UQCR11: variants seen among roughly 807,000 people sequenced by gnomAD.
UQCR11 encodes cytochrome b-c1 complex subunit 10.
UQCR11 carries 10 observed loss-of-function variants against 7.6 expected under a neutral mutation model. The ratio of observed to expected loss-of-function variants is 1.31; its 90% CI spans 0.81 to 2.22. The LOEUF (loss-of-function observed/expected upper bound fraction) is 2.22, where lower values mean the gene tolerates loss of function less well. Ranked by LOEUF, UQCR11 falls within the 30% of genes most tolerant of loss-of-function variation. The probability of loss-of-function intolerance (pLI) is 0.00; values close to 1 mark genes in which losing one functional copy is unlikely to be tolerated. For missense variants in UQCR11, 86 were observed against 75.1 expected (o/e 1.15, Z -0.54); for synonymous variants, 34 against 34.9 (o/e 0.97, Z 0.09).
At chr19:1,605,209 G>C (rs911544297) in intron 1 of UQCR11, 151 bp downstream of exon 1, 2 of 967,164 alleles carry the variant, frequency 2.1e-6, no homozygotes, top group African/African-American at 3.5e-5. Context: ...TCCGCCTCTC[G>C]GCCTCAGTTT....
chr19:1,604,669 A>G (rs953103358), intron 1 of UQCR11, among the ~76,000 whole-genome samples: 1 of 152,126 alleles, frequency 6.6e-6, no homozygotes, highest in African/African-American at 2.4e-5. Flanking sequence ...CTGGGATTAG[A>G]GGCACCCGCC....
chr19:1,601,718 T>C (rs2145621175), intron 1 of UQCR11, among the ~76,000 whole-genome samples: 1 of 151,978 alleles, frequency 6.6e-6, no homozygotes, highest in South Asian at 2.1e-4. Flanking sequence ...CAAGAGAGCC[T>C]GAGGAGTTGA....
In UQCR11 at chr19:1,598,058, G is replaced by A. The variant is rs2060736624; in HGVS notation, c.*186C>T. 6.6e-6 allele frequency: 1 copy of A among 152,272 alleles called. No homozygotes were observed. Among genetic ancestry groups the A allele is most frequent in the Non-Finnish European group, 1.5e-5 (1 of 68,064 alleles). The allele number at this position is 152,272 out of a possible 1,614,324, so 9.4% of individuals were successfully genotyped here. On this transcript the variant is annotated 3_prime_UTR_variant, in exon 3 of 3. Coordinates refer to ENST00000591899, the MANE Select transcript of UQCR11 (RefSeq NM_006830.4). Reference sequence around the variant, plus strand: ...ACATCCGGGCACGGAGCAGGTTTCAGTGAGGTTTAATGCAACGTGCATTAA... The same window carrying A: ...ACATCCGGGCACGGAGCAGGTTTCAATGAGGTTTAATGCAACGTGCATTAA...
rs780373094 is a variant in UQCR11, at chr19:1,599,523, C to G, written c.88G>C (p.Val30Leu). ...TAYTWGAVGA[V>L]GLVWATDWRL... Reference sequence around the variant, plus strand: ...CAATCGGTGGCCCACACCAGCCCCACGGCGCCCACAGCGCCCCATGTGTAG... The same window carrying G: ...CAATCGGTGGCCCACACCAGCCCCAGGGCGCCCACAGCGCCCCATGTGTAG... Residue 30 changes from valine to leucine, a missense_variant, in exon 2 of 3, where the codon GTG becomes CTG. Transcript: ENST00000591899. 6 of 1,612,774 alleles carry G rather than the reference C, an allele frequency of 3.7e-6. No homozygotes were observed. The highest frequency in any genetic ancestry group is 5.1e-6 in the Non-Finnish European group (6 of 1,179,996).
At position 1,597,891 on chromosome 19, in the gene UQCR11, T is replaced by C. The variant is rs534468345; in HGVS notation, c.*353A>G. On this transcript the variant is annotated 3_prime_UTR_variant, in exon 3 of 3. Transcript: ENST00000591899. ...CGGATGAACACACTGCAGATACTAC[T>C]TATGAGCCATTTCAAATAGGCAGTT... The C allele has an allele frequency of 2.8e-4, 42 of 152,346 alleles. No individual in the cohort carries two copies. Among genetic ancestry groups the C allele is most frequent in the African/African-American group, 1.0e-3 (42 of 41,572 alleles). 9.4% of individuals were successfully genotyped at this position (152,346 alleles called of 1,614,324 possible).
At chr19:1,600,822 C>T (rs1260961398) in intron 1 of UQCR11, among the ~76,000 whole-genome samples, 1 of 152,140 alleles carries the variant, frequency 6.6e-6, no homozygotes, top group African/African-American at 2.4e-5. Context: ...TGTGGCTACA[C>T]CAACTGCCTT....
At chr19:1,602,103 A>C (rs947973177) in intron 1 of UQCR11, 8 of 152,336 alleles carry the variant, frequency 5.3e-5, no homozygotes, top group Admixed American at 1.3e-4. Flanking sequence ...TCGAGGTTGC[A>C]GTGAGCCGAG....
chr19:1,600,829 C>T (rs2060745228), intron 1 of UQCR11, among the ~76,000 whole-genome samples: 1 of 152,104 alleles, frequency 6.6e-6, no homozygotes, highest in Non-Finnish European at 1.5e-5. Flanking sequence ...ACACCAACTG[C>T]CTTCCAGCCT....
chr19:1,599,492 A>G lies in UQCR11; in HGVS notation c.119T>C (p.Leu40Pro), dbSNP rs775289567. ...GATGTAAGGTACCCAGTCCAGGATC[A>G]GCCGCCAATCGGTGGCCCACACCAG... is the stretch of plus-strand genomic sequence containing the variant. ...VGLVWATDWR[L>P]ILDWVPYING... Residue 40 changes from leucine (L) to proline (P), a missense_variant, in exon 2 of 3, where the codon CTG becomes CCG. By Grantham distance (98) the Leu-to-Pro change is moderately conservative. Coordinates refer to ENST00000591899, the MANE Select transcript of UQCR11 (RefSeq NM_006830.4). 6.2e-7 allele frequency: 1 copy of G among 1,613,706 alleles called. No individual in the cohort carries two copies. Among genetic ancestry groups the G allele is most frequent in the Non-Finnish European group, 8.5e-7 (1 of 1,180,012 alleles).
At position 1,605,427 on chromosome 19, in the gene UQCR11, C is replaced by A. The variant is rs1399907038; in HGVS notation, c.-18G>T. On this transcript the variant is annotated 5_prime_UTR_variant, in exon 1 of 3. It adds an upstream start codon to the 5' untranslated region. Coordinates refer to ENST00000591899, the MANE Select transcript of UQCR11 (RefSeq NM_006830.4). ...GTCACCATCGCGGCGGAGTCGCACC[C>A]TCAGGATGACCCTGTCCAGCTGACC... The A allele has an allele frequency of 1.3e-6, 2 of 1,553,548 alleles. No homozygotes were observed. Among genetic ancestry groups the A allele is most frequent in the Non-Finnish European group, 8.7e-7 (1 of 1,154,656 alleles).
At position 1,597,833 on chromosome 19, in the gene UQCR11, C is replaced by A. The variant is rs1314255453; in HGVS notation, c.*411G>T. 6.6e-6 allele frequency: 1 copy of A among 152,250 alleles called. No homozygotes were observed. Among genetic ancestry groups the A allele is most frequent in the East Asian group, 1.9e-4 (1 of 5,202 alleles). 9.4% of individuals were successfully genotyped at this position (152,250 alleles called of 1,614,324 possible). Reference sequence around the variant, plus strand: ...GAGAGTGAATGTTCGTTGCTTTAAGCCACTACGTGTGGGTGACTTGTTAAG... The same window carrying A: ...GAGAGTGAATGTTCGTTGCTTTAAGACACTACGTGTGGGTGACTTGTTAAG... On this transcript the variant is annotated 3_prime_UTR_variant, in exon 3 of 3. Transcript: ENST00000591899.
chr19:1,602,700 C>T (rs2060750780), intron 1 of UQCR11, among the ~76,000 whole-genome samples: 1 of 152,188 alleles, frequency 6.6e-6, no homozygotes, highest in Non-Finnish European at 1.5e-5. Flanking sequence ...GATCCACCCA[C>T]CTCAGCCTCT....
At position 1,599,547 on chromosome 19, in the gene UQCR11, A is replaced by G. The variant is rs2060741213; in HGVS notation, c.64T>C (p.Tyr22His). The G allele has an allele frequency of 1.9e-6, 3 of 1,610,862 alleles. No individual in the cohort carries two copies. The Admixed American group carries it at 5.0e-5, about 27-fold the overall frequency. ...ACGGCGCCCACAGCGCCCCATGTGTAGGCCGTCGGGACCCTGCGAGAGGAG... is the reference window on the plus strand; with the variant it reads ...ACGGCGCCCACAGCGCCCCATGTGTGGGCCGTCGGGACCCTGCGAGAGGAG... ...ELVKNWVPTAYTWGAVGAVGL... is the reference protein window; with the variant it reads ...ELVKNWVPTAHTWGAVGAVGL... The change falls in exon 2 of 3, where the codon TAC (tyrosine) becomes CAC (histidine). Residue 22 changes from tyrosine (Y) to histidine (H), a missense_variant. Physicochemically the swap from Tyr to His is moderately conservative, Grantham distance 83 (BLOSUM62 2). Coordinates refer to ENST00000591899, the MANE Select transcript of UQCR11 (RefSeq NM_006830.4).
Position 1,605,437 on chromosome 19 carries a change from CCCTGT to C in UQCR11, c.-33_-29del, listed in dbSNP as rs1382055202. 2 of 1,521,642 alleles carry C rather than the reference CCCTGT, an allele frequency of 1.3e-6. No individual in the cohort carries two copies. The highest frequency in any genetic ancestry group is 2.9e-5 in the African/African-American group (2 of 68,686). The allele number at this position is 1,521,642 out of a possible 1,614,324, so 94.3% of individuals were successfully genotyped here. On this transcript the variant is annotated 5_prime_UTR_variant, in exon 1 of 3. Coordinates refer to ENST00000591899, the MANE Select transcript of UQCR11 (RefSeq NM_006830.4). ...CGGCGGAGTCGCACCCTCAGGATGA[CCCTGT>C]CCAGCTGACCCGGCTACACTGCGCA...
intron 1 of UQCR11, among the ~76,000 whole-genome samples, chr19:1,599,815 C>T (rs1182182311): frequency 1.3e-5 from 2 of 152,208 alleles, no homozygotes; most frequent in East Asian, 1.9e-4. Flanking sequence ...CTGGGCCTGG[C>T]GCATGTGTAG....
At chr19:1,603,223 T>G (rs929120192) in intron 1 of UQCR11, among the ~76,000 whole-genome samples, 7 of 152,196 alleles carry the variant, frequency 4.6e-5, no homozygotes, top group African/African-American at 1.7e-4. Flanking sequence ...CAGGTCTCGT[T>G]TCTTTACCTT....
At chr19:1,599,359 G>T in intron 2 of UQCR11, 53 bp downstream of exon 2, 4 of 1,587,640 alleles carry the variant, frequency 2.5e-6, no homozygotes, top group Non-Finnish European at 3.4e-6. Flanking sequence ...CCCACTCTTC[G>T]GCCACCATCC....
rs139186349 is a variant in UQCR11 at position 1,605,402 on chromosome 19, G to A, written c.8C>T (p.Thr3Ile). 1.3e-6 allele frequency: 2 copies of A among 1,575,438 alleles called. No homozygotes were observed. Among genetic ancestry groups the A allele is most frequent in the African/African-American group, 1.4e-5 (1 of 71,168 alleles). Residue 3 changes from threonine (T) to isoleucine (I), a missense_variant, in exon 1 of 3, where the codon ACC (threonine) becomes ATC (isoleucine). Thr to Ile is a moderately conservative substitution (Grantham distance 89). Coordinates refer to ENST00000591899, the MANE Select transcript of UQCR11 (RefSeq NM_006830.4). MVTRFLGPRYREL... is the reference protein window; with the variant it reads MVIRFLGPRYREL... ...CCGGTAGCGTGGGCCCAGGAACCGG[G>A]TCACCATCGCGGCGGAGTCGCACCC...
intron 1 of UQCR11, among the ~76,000 whole-genome samples, chr19:1,601,705 T>G (rs2060747678): frequency 6.6e-6 from 1 of 151,568 alleles, no homozygotes; most frequent in Admixed American, 6.6e-5. Flanking sequence ...GACTGCAGCC[T>G]CACAAGAGAG....
Sources: gnomAD v4.1 joint callset for allele counts (sites outside exome capture counted in the v4.1 genomes callset) on GRCh38, gnomAD v4.1.1 for gene constraint, MANE v1.5 for transcripts, NCBI Gene and HGNC (gene_info 2026-07-23, HGNC 2026-07-21) for gene names.